Variants in PPP1R12A observed in about 807,000 individuals in gnomAD.
The protein encoded by PPP1R12A is protein phosphatase 1 regulatory subunit 12A, also known as myosin binding subunit.
In PPP1R12A, 19 loss-of-function variants were observed where a neutral mutation model predicts 139.6. The observed-to-expected ratio is 0.14, with a 90% confidence interval of 0.09 to 0.20. The LOEUF is 0.20. Among genes scored for constraint, PPP1R12A ranks in the 10% least tolerant of loss-of-function variants. The pLI is 1.00. For missense variants in PPP1R12A, 925 were observed against 1,211.5 expected, an observed-to-expected ratio of 0.76 and a Z score of 3.51; for synonymous variants, 427 against 420.6, an observed-to-expected ratio of 1.02 and a Z score of -0.19.
chr12:79,846,122 C>A (rs1879356139), intron 2 of PPP1R12A, among the ~76,000 whole-genome samples: 1 of 143,306 alleles, frequency 7.0e-6, no homozygotes, highest in South Asian at 2.2e-4. Context: ...TTAAAATTAG[C>A]TATTAAACCC....
chr12:79,908,953 T>C (rs368453358), intron 1 of PPP1R12A, among the ~76,000 whole-genome samples: 35 of 152,258 alleles, frequency 2.3e-4, no homozygotes, highest in African/African-American at 7.7e-4. Context: ...GAACACCCCA[T>C]TGGGGTAGCT....
chr12:79,805,272 G>C (rs928647284), intron 14 of PPP1R12A, among the ~76,000 whole-genome samples: 2 of 152,162 alleles, frequency 1.3e-5, no homozygotes, highest in Admixed American at 1.3e-4. Flanking sequence ...TTTTCCCTAA[G>C]TGTGTGGTGT....
chr12:79,791,082 C>A (rs933002177), intron 19 of PPP1R12A, among the ~76,000 whole-genome samples: 4 of 152,038 alleles, frequency 2.6e-5, no homozygotes, highest in Admixed American at 2.0e-4. Context: ...GTAATGTTTT[C>A]TTTTATTGAT....
chr12:79,880,563 G>A (rs1883543420), intron 1 of PPP1R12A, among the ~76,000 whole-genome samples: 1 of 152,132 alleles, frequency 6.6e-6, no homozygotes, highest in Non-Finnish European at 1.5e-5. Flanking sequence ...ATCAGTAACG[G>A]TGGCTCAAGT....
At chr12:79,916,717 A>C (rs944954030) in intron 1 of PPP1R12A, among the ~76,000 whole-genome samples, 1 of 152,190 alleles carries the variant, frequency 6.6e-6, no homozygotes, top group African/African-American at 2.4e-5. Flanking sequence ...TTCCTCATGA[A>C]ATAAAAGGTT....
intron 4 of PPP1R12A, among the ~76,000 whole-genome samples, chr12:79,831,567 C>A (rs917776935): frequency 1.3e-5 from 2 of 152,122 alleles, no homozygotes; most frequent in African/African-American, 4.8e-5. Flanking sequence ...ACTGCTTTTA[C>A]TAATGAGTGG....
At chr12:79,917,896 C>T (rs187035209) in intron 1 of PPP1R12A, among the ~76,000 whole-genome samples, 19 of 152,222 alleles carry the variant, frequency 1.2e-4, no homozygotes, top group Non-Finnish European at 2.5e-4. Flanking sequence ...AGAAAATGTA[C>T]TCTCACCTAT....
rs547929503 is a variant in PPP1R12A, at chr12:79,823,472, T to A, written c.793-1282A>T. ...CTATACCAACATCAGGATGTTAACA[T>A]GTATTCAGAAAGGAGCTAATTTCCA... On this transcript the variant is annotated intron_variant, in intron 5 of 24. Coordinates refer to ENST00000450142, the MANE Select transcript of PPP1R12A (RefSeq NM_002480.3). 3.3e-5 allele frequency among the ~76,000 whole-genome samples: 5 copies of A among 152,284 alleles called. No homozygotes were observed. In the East Asian group the frequency reaches 9.6e-4, roughly 29 times the overall value.
In PPP1R12A at chr12:79,774,407, C is replaced by G. The variant is rs1272128638; in HGVS notation, c.*1522G>C. On this transcript the variant is annotated 3_prime_UTR_variant, in exon 25 of 25. Transcript: ENST00000450142. ...AATGACCTTTTAAAATGAAGGGGTA[C>G]AAATTCACATTTAATATAGTATACA... 1 of 152,440 alleles carries G rather than the reference C, an allele frequency of 6.6e-6. No individual in the cohort carries two copies. The highest frequency in any genetic ancestry group is 1.5e-5 in the Non-Finnish European group (1 of 67,968). 9.4% of individuals were successfully genotyped at this position (152,440 alleles called of 1,614,324 possible).
chr12:79,837,813 A>G (rs1183251204), intron 3 of PPP1R12A, among the ~76,000 whole-genome samples: 3 of 152,136 alleles, frequency 2.0e-5, no homozygotes, highest in African/African-American at 4.8e-5. Context: ...CCCTTCCACT[A>G]TGATTGTAAG....
At chr12:79,786,635 TGTTC>T (rs1411538668) in intron 21 of PPP1R12A, 157 bp from the exon 22 acceptor site, 7 of 497,376 alleles carry the variant, frequency 1.4e-5, no homozygotes, top group Non-Finnish European at 2.4e-5. Flanking sequence ...AAGCAGAGAC[TGTTC>T]GTTATGCAAG....
intron 1 of PPP1R12A, among the ~76,000 whole-genome samples, chr12:79,880,455 G>A (rs1883531154): frequency 6.6e-6 from 1 of 152,132 alleles, no homozygotes; most frequent in Admixed American, 6.5e-5. Flanking sequence ...AGGCTAAGTG[G>A]TAAAAGATCT....
chr12:79,809,468 TATGTTTTTTAAACTTCAGA>T (rs918862264), intron 10 of PPP1R12A, among the ~76,000 whole-genome samples: 28 of 152,188 alleles, frequency 1.8e-4, no homozygotes, highest in Admixed American at 2.0e-4. Context: ...AATGTGTTCC[TATGTTTTTTAAACTTCAGA>T]AAGTTTCTTG....
At chr12:79,876,018 AAG>A (rs1430851367) in intron 1 of PPP1R12A, among the ~76,000 whole-genome samples, 3 of 152,206 alleles carry the variant, frequency 2.0e-5, no homozygotes, top group African/African-American at 7.2e-5. Flanking sequence ...CAACCTAAGA[AAG>A]AGCAGTTTGG....
chr12:79,863,187 T>G (rs972538417), intron 2 of PPP1R12A, among the ~76,000 whole-genome samples: 53 of 152,182 alleles, frequency 3.5e-4, no homozygotes, highest in African/African-American at 6.5e-4. Context: ...AAAAGAATTT[T>G]CAACCCAGAA....
chr12:79,898,041 A>T (rs1472945137), intron 1 of PPP1R12A, among the ~76,000 whole-genome samples: 1 of 152,226 alleles, frequency 6.6e-6, no homozygotes, highest in East Asian at 1.9e-4. Context: ...TATTTTTTAA[A>T]TGTCTACTGC....
At position 79,821,183 on chromosome 12, in the gene PPP1R12A, GC is replaced by G; in HGVS notation, c.868-18del. On this transcript the variant is annotated intron_variant, in intron 6 of 24. Coordinates refer to ENST00000450142, the MANE Select transcript of PPP1R12A (RefSeq NM_002480.3). ...ACTATGGAGCTTTGTACAAAGTTAT[GC>G]AAAGGAAAATAAGAAAACTATTAAG... The G allele has an allele frequency of 6.4e-7, 1 of 1,561,976 alleles. No homozygotes were observed. Among genetic ancestry groups the G allele is most frequent in the Non-Finnish European group, 8.8e-7 (1 of 1,140,362 alleles).
chr12:79,924,036 T>C (rs1040678871), intron 1 of PPP1R12A, among the ~76,000 whole-genome samples: 3 of 151,758 alleles, frequency 2.0e-5, no homozygotes, highest in African/African-American at 7.3e-5. Flanking sequence ...AGAGCAAGAC[T>C]CCGTCTCAAA....
intron 17 of PPP1R12A, 143 bp downstream of exon 17, chr12:79,796,639 C>G (rs1348118758): frequency 3.3e-6 from 2 of 614,034 alleles, no homozygotes; most frequent in Admixed American, 7.3e-5. Flanking sequence ...TTCTCATTCT[C>G]AACCTTCATA....
Sources: allele counts gnomAD v4.1 joint callset (sites outside exome capture counted in the v4.1 genomes callset), GRCh38; gene constraint gnomAD v4.1.1; transcripts MANE v1.5; gene names NCBI Gene and HGNC (gene_info 2026-07-23, HGNC 2026-07-21).